EPM2A: variants seen among roughly 807,000 people sequenced by gnomAD.
The protein encoded by EPM2A is laforin.
A neutral mutation model predicts 26.5 loss-of-function variants in EPM2A; 21 were observed. That is an observed-to-expected ratio of 0.79 (90% CI 0.56 to 1.14). The LOEUF is 1.14. EPM2A is among the 50% of genes most tolerant of loss of function. The pLI is 0.00. For missense variants in EPM2A, 458 were observed against 440.8 expected, an observed-to-expected ratio of 1.04 and a Z score of -0.35; for synonymous variants, 217 against 177.6, an observed-to-expected ratio of 1.22 and a Z score of -1.76.
intron 4 of EPM2A, among the ~76,000 whole-genome samples, chr6:145,409,342 ACTAT>A (rs568918771): frequency 5.2e-4 from 79 of 152,232 alleles, no homozygotes; most frequent in Non-Finnish European, 8.5e-4. Context: ...TTCTTTAGAG[ACTAT>A]CTATTTCTCC....
intron 2 of EPM2A, among the ~76,000 whole-genome samples, chr6:145,681,184 T>G (rs1309191542): frequency 6.7e-6 from 1 of 150,116 alleles, no homozygotes; most frequent in African/African-American, 2.4e-5. Flanking sequence ...GCTGCATAAA[T>G]GTCTTCTTTT....
intron 4 of EPM2A, among the ~76,000 whole-genome samples, chr6:145,426,232 A>G (rs1778853084): frequency 1.3e-5 from 2 of 152,130 alleles, no homozygotes; most frequent in South Asian, 4.2e-4. Flanking sequence ...TCCTTATTAC[A>G]CGCTGTCCTT....
chr6:145,383,372 T>C (rs1778215802), exon 5 of EPM2A: 1 of 152,084 alleles, frequency 6.6e-6, no homozygotes, highest in African/African-American at 2.4e-5. Context: ...AAGGAAAAAG[T>C]TTTAATTGTT....
In EPM2A at chr6:145,489,961, C is replaced by T. The variant is rs114551573; in HGVS notation, c.555+12561G>A. 1.2e-3 allele frequency: 1,700 copies of T among 1,375,920 alleles called. 16 individuals are homozygous for T. The African/African-American group carries it at 0.016, about 13-fold the overall frequency. The allele number at this position is 1,375,920 out of a possible 1,614,324, so 85.2% of individuals were successfully genotyped here. On this transcript the variant is annotated intron_variant, in intron 4 of 4. Coordinates refer to the EPM2A transcript ENST00000638717. ...TATTTGGACCTGCTCTGGAAGCACA[C>T]TCGTGTGAACAAAGTACCTGGCTGT...
At chr6:145,422,750 T>C (rs1778805424) in intron 4 of EPM2A, among the ~76,000 whole-genome samples, 1 of 152,106 alleles carries the variant, frequency 6.6e-6, no homozygotes, top group South Asian at 2.1e-4. Flanking sequence ...ATTTTGTTAT[T>C]TTTATCCTAC....
At chr6:145,543,605 G>GTATTTGTTT (rs1481768900) in intron 2 of EPM2A, among the ~76,000 whole-genome samples, 1 of 152,054 alleles carries the variant, frequency 6.6e-6, no homozygotes, top group Non-Finnish European at 1.5e-5. Flanking sequence ...AGAAAAAAAA[G>GTATTTGTTT]TATTTGTTTT....
At chr6:145,459,719 T>C (rs1045543520) in intron 4 of EPM2A, among the ~76,000 whole-genome samples, 3 of 144,904 alleles carry the variant, frequency 2.1e-5, no homozygotes, top group Admixed American at 1.4e-4. Context: ...TATACTATAC[T>C]ATATGATAAG....
chr6:145,604,820 A>G (rs1781461123), intron 2 of EPM2A, among the ~76,000 whole-genome samples: 1 of 152,118 alleles, frequency 6.6e-6, no homozygotes, highest in Non-Finnish European at 1.5e-5. Context: ...TCACACTGAC[A>G]TGCAGAAAAT....
intron 2 of EPM2A, among the ~76,000 whole-genome samples, chr6:145,520,069 C>G (rs537345232): frequency 1.3e-5 from 2 of 152,302 alleles, no homozygotes; most frequent in South Asian, 4.1e-4. Context: ...TTCTTAGACT[C>G]TGAAATTCCA....
chr6:145,595,770 A>C (rs1345417140), intron 2 of EPM2A, among the ~76,000 whole-genome samples: 2 of 152,136 alleles, frequency 1.3e-5, no homozygotes, highest in Non-Finnish European at 2.9e-5. Flanking sequence ...TATTATAGCA[A>C]ATAATAATAA....
chr6:145,517,863 G>A (rs1421022083), intron 2 of EPM2A, among the ~76,000 whole-genome samples: 2 of 151,940 alleles, frequency 1.3e-5, no homozygotes, highest in Admixed American at 6.6e-5. Context: ...ATAATATCAC[G>A]TGCTACATTA....
chr6:145,548,050 G>A (rs576529543), intron 2 of EPM2A, among the ~76,000 whole-genome samples: 6 of 151,920 alleles, frequency 3.9e-5, no homozygotes, highest in Admixed American at 6.6e-5. Context: ...TTCCTGCTTC[G>A]GCTCCAGATG....
chr6:145,529,759 C>A (rs1040782212), intron 2 of EPM2A, among the ~76,000 whole-genome samples: 6 of 152,162 alleles, frequency 3.9e-5, no homozygotes, highest in African/African-American at 1.4e-4. Context: ...CACTGCACAG[C>A]ATTGATACTG....
intron 2 of EPM2A, among the ~76,000 whole-genome samples, chr6:145,558,247 G>A (rs1417081763): frequency 1.3e-5 from 2 of 152,004 alleles, no homozygotes; most frequent in Non-Finnish European, 2.9e-5. Flanking sequence ...CAGTTTGGGG[G>A]CATGATCGTG....
At chr6:145,492,021 C>A in intron 4 of EPM2A, 2 of 378,224 alleles carry the variant, frequency 5.3e-6, no homozygotes, top group South Asian at 4.4e-5. Flanking sequence ...GCTGTTTATT[C>A]AGTCAGTCGA....
chr6:145,560,557 A>T (rs944001641), intron 2 of EPM2A, among the ~76,000 whole-genome samples: 3 of 152,192 alleles, frequency 2.0e-5, no homozygotes, highest in African/African-American at 7.2e-5. Flanking sequence ...ACCACAAGCC[A>T]GAGTTTGCTA....
At chr6:145,656,995 G>A (rs769019116) in intron 2 of EPM2A, among the ~76,000 whole-genome samples, 8 of 151,820 alleles carry the variant, frequency 5.3e-5, no homozygotes, top group East Asian at 1.9e-4. Context: ...GGCAGAATTC[G>A]TGTTAGAGAA....
At chr6:145,642,931 T>C (rs1007595805) in intron 2 of EPM2A, among the ~76,000 whole-genome samples, 2 of 152,176 alleles carry the variant, frequency 1.3e-5, no homozygotes, top group Non-Finnish European at 2.9e-5. Flanking sequence ...AAGAGTGACA[T>C]GGACTTAGAG....
chr6:145,551,506 G>C (rs1780655006), intron 2 of EPM2A, among the ~76,000 whole-genome samples: 1 of 151,956 alleles, frequency 6.6e-6, no homozygotes, highest in African/African-American at 2.4e-5. Context: ...GCTTGATTTT[G>C]ACACTGGATG....
Sources: allele counts gnomAD v4.1 joint callset (sites outside exome capture counted in the v4.1 genomes callset), GRCh38; gene constraint gnomAD v4.1.1; transcripts MANE v1.5; gene names NCBI Gene and HGNC (gene_info 2026-07-23, HGNC 2026-07-21).